Variants in GABRG3 observed in about 807,000 individuals in gnomAD.
GABRG3 encodes gamma-aminobutyric acid receptor subunit gamma-3.
Under a neutral mutation model 48.8 loss-of-function variants are expected in GABRG3, and 25 were observed. The ratio of observed to expected loss-of-function variants is 0.51; its 90% CI spans 0.37 to 0.72. The LOEUF (loss-of-function observed/expected upper bound fraction) is 0.72. Ranked by LOEUF, GABRG3 falls within the 30% of genes least tolerant of loss-of-function variation. GABRG3 has a pLI of 0.00. For missense variants in GABRG3, 394 were observed against 577.9 expected (o/e 0.68, Z 3.26); for synonymous variants, 227 against 217.6 (o/e 1.04, Z -0.38).
At chr15:27,315,080 A>G (rs1022109154) in intron 3 of GABRG3, among the ~76,000 whole-genome samples, 2 of 152,226 alleles carry the variant, frequency 1.3e-5, no homozygotes, top group Non-Finnish European at 2.9e-5. Context: ...TTACCGCAGT[A>G]AAATAAAATT....
chr15:27,276,269 T>C (rs1252719841), intron 3 of GABRG3, among the ~76,000 whole-genome samples: 1 of 152,156 alleles, frequency 6.6e-6, no homozygotes, highest in African/African-American at 2.4e-5. Flanking sequence ...CATATTTGGC[T>C]TTTTCAGGTT....
intron 3 of GABRG3, among the ~76,000 whole-genome samples, chr15:27,195,391 G>A (rs1282344209): frequency 6.6e-6 from 1 of 152,080 alleles, no homozygotes; most frequent in Admixed American, 6.5e-5. Flanking sequence ...GAGTGCAGTG[G>A]TGCAGTCTCA....
At chr15:27,087,325 C>T (rs1054375994) in intron 3 of GABRG3, among the ~76,000 whole-genome samples, 7 of 152,210 alleles carry the variant, frequency 4.6e-5, no homozygotes, top group Admixed American at 1.3e-4. Flanking sequence ...TGCTTCACCT[C>T]GGGGTCCACA....
At chr15:27,351,524 TTGTG>T (rs1228573551) in intron 5 of GABRG3, among the ~76,000 whole-genome samples, 19 of 142,752 alleles carry the variant, frequency 1.3e-4, no homozygotes, top group African/African-American at 3.1e-4. Flanking sequence ...TATGGTGTGT[TTGTG>T]TGTGTGTTGG....
At chr15:27,379,391 A>T (rs986232174) in intron 5 of GABRG3, among the ~76,000 whole-genome samples, 25 of 152,294 alleles carry the variant, frequency 1.6e-4, no homozygotes, top group African/African-American at 6.0e-4. Context: ...CACTCATTTT[A>T]TCCATAAGCT....
intron 5 of GABRG3, among the ~76,000 whole-genome samples, chr15:27,347,890 G>T (rs1894428881): frequency 6.6e-6 from 1 of 152,074 alleles, no homozygotes; most frequent in African/African-American, 2.4e-5. Flanking sequence ...CAGATTTCAG[G>T]GGGGGTTTCC....
At chr15:27,109,758 T>C (rs1173919148) in intron 3 of GABRG3, among the ~76,000 whole-genome samples, 1 of 152,162 alleles carries the variant, frequency 6.6e-6, no homozygotes, top group Admixed American at 6.5e-5. Flanking sequence ...GGCACGTGTC[T>C]GTGGTCCCAG....
At chr15:27,348,155 C>CAAAAAAAAAACAAAAAAAAAAAA (rs535295684) in intron 5 of GABRG3, among the ~76,000 whole-genome samples, 1 of 102,990 alleles carries the variant, frequency 9.7e-6, no homozygotes. Context: ...GACTCCATCT[C>CAAAAAAAAAACAAAAAAAAAAAA]AAATAAATAA....
At chr15:27,304,909 A>G (rs981971621) in intron 3 of GABRG3, among the ~76,000 whole-genome samples, 1 of 151,960 alleles carries the variant, frequency 6.6e-6, no homozygotes, top group Non-Finnish European at 1.5e-5. Context: ...GACAAGGTGT[A>G]TGATTTGCAT....
At chr15:27,478,412 A>G (rs567440700) in intron 5 of GABRG3, among the ~76,000 whole-genome samples, 4 of 152,326 alleles carry the variant, frequency 2.6e-5, no homozygotes, top group South Asian at 4.1e-4. Context: ...TATGCTCAGT[A>G]TTATCAGTCA....
chr15:27,121,253 T>C (rs77479150), intron 3 of GABRG3, among the ~76,000 whole-genome samples: 1 of 152,286 alleles, frequency 6.6e-6, no homozygotes, highest in East Asian at 1.9e-4. Context: ...AGTTTGTGTC[T>C]GGGGTCAGTC....
chr15:27,398,666 G>GCGCA (rs56278943), intron 5 of GABRG3, among the ~76,000 whole-genome samples: 4 of 147,304 alleles, frequency 2.7e-5, no homozygotes, highest in South Asian at 4.3e-4. Flanking sequence ...ACAAGCGCGC[G>GCGCA]CACACACACA....
At chr15:27,058,963 G>A (rs1896600322) in intron 3 of GABRG3, among the ~76,000 whole-genome samples, 2 of 152,166 alleles carry the variant, frequency 1.3e-5, no homozygotes, top group South Asian at 2.1e-4. Flanking sequence ...GAATCCTGTG[G>A]CCACTATTAA....
chr15:27,159,852 G>A (rs1476774394), intron 3 of GABRG3, among the ~76,000 whole-genome samples: 2 of 152,184 alleles, frequency 1.3e-5, no homozygotes, highest in Non-Finnish European at 1.5e-5. Flanking sequence ...TCCAGAAGGC[G>A]ATTAAGTCCC....
At chr15:27,399,106 T>C (rs2140585013) in intron 5 of GABRG3, among the ~76,000 whole-genome samples, 1 of 152,188 alleles carries the variant, frequency 6.6e-6, no homozygotes, top group East Asian at 1.9e-4. Context: ...GAACAATGGG[T>C]TCAAAAGCTA....
intron 3 of GABRG3, among the ~76,000 whole-genome samples, chr15:27,306,308 T>A (rs1459422247): frequency 1.5e-5 from 2 of 136,160 alleles, no homozygotes; most frequent in South Asian, 4.5e-4. Context: ...AACATATATA[T>A]AATATAAACA....
At chr15:27,523,641 T>C (rs3097498) in intron 7 of GABRG3, among the ~76,000 whole-genome samples, 94,834 of 151,552 alleles carry the variant, frequency 0.63, 30,829 homozygotes, top group African/African-American at 0.81. Context: ...AATGAAAAAA[T>C]AGAAAAGCTC....
chr15:27,316,842 C>G (rs896204172), intron 3 of GABRG3, among the ~76,000 whole-genome samples: 4 of 151,802 alleles, frequency 2.6e-5, no homozygotes. Context: ...TTTTTCATTC[C>G]AGTTTCATTT....
intron 3 of GABRG3, among the ~76,000 whole-genome samples, chr15:27,219,557 G>A (rs1889382861): frequency 6.6e-6 from 1 of 152,162 alleles, no homozygotes; most frequent in Non-Finnish European, 1.5e-5. Flanking sequence ...CTGTGGCCCT[G>A]GATGCAGCAT....
Sources: gnomAD v4.1 joint callset for allele counts (sites outside exome capture counted in the v4.1 genomes callset) on GRCh38, gnomAD v4.1.1 for gene constraint, MANE v1.5 for transcripts, NCBI Gene and HGNC (gene_info 2026-07-23, HGNC 2026-07-21) for gene names.